Variants in MED1 observed in about 807,000 individuals in gnomAD.
The protein encoded by MED1 is mediator of RNA polymerase II transcription subunit 1.
MED1 carries 17 observed loss-of-function variants against 121.3 expected under a neutral mutation model. The observed-to-expected ratio is 0.14, with a 90% CI of 0.10 to 0.21. The LOEUF (loss-of-function observed/expected upper bound fraction) is 0.21, where lower values mean the gene tolerates loss of function less well. MED1 is among the 10% of genes least tolerant of loss of function. MED1 has a pLI of 1.00. For synonymous variants in MED1, 661 were observed against 694.4 expected (o/e 0.95, Z 0.76); for missense variants, 1,558 against 1,919.4 (o/e 0.81, Z 3.52).
rs754862637 is a variant in MED1, at chr17:39,408,123, G to A, written c.4098C>T (p.Ser1366=). The A allele has an allele frequency of 2.5e-6, 4 of 1,613,976 alleles. No homozygotes were observed. Among genetic ancestry groups the A allele is most frequent in the African/African-American group, 2.7e-5 (2 of 74,928 alleles). Residue 1366 remains serine, a synonymous_variant, in exon 17 of 17, where the codon TCC becomes TCT. Transcript: ENST00000300651. The surrounding 1 kb of genome is among the most constrained non-coding windows in gnomAD (Gnocchi z 4.7). ...EKSDKDKSKV[S]TSGSSVDSSK... ...AAGAATCCACTGAACTCCCGGAGGT[G>A]GAAACCTTTGATTTGTCTTTATCAC...
In MED1 at chr17:39,406,512, C is replaced by T; in HGVS notation, c.*963G>A. The T allele has an allele frequency of 1.3e-5, 13 of 985,160 alleles. No homozygotes were observed. The highest frequency in any genetic ancestry group is 1.6e-5 in the Non-Finnish European group (13 of 829,890). 61.0% of individuals were successfully genotyped at this position (985,160 alleles called of 1,614,324 possible). A position where few individuals can be genotyped will look rare whatever the true frequency, so the allele number is the denominator to read the frequency against. Reference sequence around the variant, plus strand: ...GTCAGGAAGGCTGTCCTACACTAAACCTTACTGCATCTGAAAACATGTTTA... The same window carrying T: ...GTCAGGAAGGCTGTCCTACACTAAATCTTACTGCATCTGAAAACATGTTTA... On this transcript the variant is annotated 3_prime_UTR_variant, in exon 17 of 17. Transcript: ENST00000300651.
At position 39,440,887 on chromosome 17, in the gene MED1, G is replaced by C. The variant is rs1343455479; in HGVS notation, c.212-210C>G. Among the ~76,000 whole-genome samples the C allele has an allele frequency of 6.6e-6, 1 of 151,752 alleles. No homozygotes were observed. Among genetic ancestry groups the C allele is most frequent in the African/African-American group, 2.4e-5 (1 of 41,338 alleles). ...AAAAAGATCTATTTGAAAAATTACC[G>C]AACCTTTCTCCTCTCCTGTTTTCAT... On this transcript the variant is annotated intron_variant, in intron 3 of 16. Coordinates refer to ENST00000300651, the MANE Select transcript of MED1 (RefSeq NM_004774.4). The surrounding 1 kb of genome is among the most constrained non-coding windows in gnomAD (Gnocchi z 4.1).
At chr17:39,447,076 A>G (rs927375974) in intron 2 of MED1, among the ~76,000 whole-genome samples, 1 of 152,142 alleles carries the variant, frequency 6.6e-6, no homozygotes, top group Non-Finnish European at 1.5e-5. Context: ...CTGACCTCAC[A>G]TAACAGGGTC....
chr17:39,410,753 T>C lies in MED1; in HGVS notation c.1500-32A>G, dbSNP rs747391329. On this transcript the variant is annotated intron_variant, in intron 16 of 16. Transcript: ENST00000300651. The stretch of plus-strand genomic sequence containing the variant: ...AATAAAGAAGAAAACAAAGTTAACA[T>C]TGCAATAGCTGCTGAATGAGACCTG... 1.5e-5 allele frequency: 23 copies of C among 1,558,414 alleles called. 1 individual carries two copies. The highest frequency in any genetic ancestry group is 2.3e-5 in the East Asian group (1 of 44,224).
chr17:39,430,068 G>A (rs2048551521), intron 9 of MED1, among the ~76,000 whole-genome samples: 1 of 151,294 alleles, frequency 6.6e-6, no homozygotes, highest in African/African-American at 2.4e-5. Context: ...GGGCAACACA[G>A]CAAGACCCTG....
At chr17:39,420,401 C>T (rs2144732589) in intron 13 of MED1, among the ~76,000 whole-genome samples, 1 of 151,900 alleles carries the variant, frequency 6.6e-6, no homozygotes, top group Non-Finnish European at 1.5e-5. Context: ...CAGTGTTTCA[C>T]TGTGTTAGCC....
chr17:39,423,077 G>A (rs1282175039), intron 13 of MED1, among the ~76,000 whole-genome samples: 1 of 151,686 alleles, frequency 6.6e-6, no homozygotes, highest in Non-Finnish European at 1.5e-5. Flanking sequence ...ATGTTGGCCA[G>A]GCTGGTCTCG....
intron 6 of MED1, among the ~76,000 whole-genome samples, chr17:39,436,499 T>G (rs552291575): frequency 6.0e-4 from 91 of 152,200 alleles, no homozygotes; most frequent in African/African-American, 2.1e-3. Flanking sequence ...ATGTAATAAC[T>G]TCCTTAAATT....
At position 39,406,608 on chromosome 17, in the gene MED1, C is replaced by T. The variant is rs1262582520; in HGVS notation, c.*867G>A. 1 of 983,608 alleles carries T rather than the reference C, an allele frequency of 1.0e-6. No individual in the cohort carries two copies. Among genetic ancestry groups the T allele is most frequent in the African/African-American group, 1.8e-5 (1 of 57,036 alleles). The allele number at this position is 983,608 out of a possible 1,614,324, so 60.9% of individuals were successfully genotyped here. On this transcript the variant is annotated 3_prime_UTR_variant, in exon 17 of 17. Transcript: ENST00000300651. The stretch of plus-strand genomic sequence containing the variant: ...AAATGAGATTACAAGTCAATACCTC[C>T]ACAGAGAGGTAACTCCTAATATTCC...
Position 39,408,420 on chromosome 17 carries a change from C to T in MED1, c.3801G>A (p.Thr1267=), listed in dbSNP as rs767642614. The change falls in exon 17 of 17, where the codon ACG becomes ACA. Residue 1267 remains threonine, a synonymous_variant. Coordinates refer to ENST00000300651, the MANE Select transcript of MED1 (RefSeq NM_004774.4). This position sits in a 1 kb window ranked among gnomAD's most constrained non-coding sequence, Gnocchi z 4.7. ...TTGAGGAAAAGGAGGAGGAAGATGC[C>T]GTACAGGAATTAGATGATGGGGGAG... ...QKTPPSSNSC[T]ASSSSFSSSG... The T allele has an allele frequency of 6.2e-5, 100 of 1,613,966 alleles. No homozygotes were observed. Among genetic ancestry groups the T allele is most frequent in the African/African-American group, 1.7e-4 (13 of 74,874 alleles).
At chr17:39,417,225 G>A (rs1291487711) in intron 14 of MED1, among the ~76,000 whole-genome samples, 1 of 152,108 alleles carries the variant, frequency 6.6e-6, no homozygotes, top group African/African-American at 2.4e-5. Flanking sequence ...AGCTACTTGG[G>A]AGGCTGAAGC....
chr17:39,414,674 T>A (rs1365844180), intron 16 of MED1, among the ~76,000 whole-genome samples: 63 of 34,936 alleles, frequency 1.8e-3, no homozygotes, highest in African/African-American at 4.9e-3. Flanking sequence ...TTTTTTTTTT[T>A]ACAACAAAAA....
chr17:39,442,280 G>A (rs1446015834), intron 3 of MED1, among the ~76,000 whole-genome samples: 6 of 151,674 alleles, frequency 4.0e-5, no homozygotes, highest in East Asian at 1.9e-4. Flanking sequence ...CATAAACACC[G>A]TAAAAATCTT....
chr17:39,432,459 A>T (rs1597867143), intron 7 of MED1, among the ~76,000 whole-genome samples: 1 of 151,948 alleles, frequency 6.6e-6, no homozygotes, highest in African/African-American at 2.4e-5. Context: ...ATATATTTTT[A>T]AAAACTGGCC....
At position 39,406,315 on chromosome 17, in the gene MED1, C is replaced by G; in HGVS notation, c.*1160G>C. The G allele has an allele frequency of 4.1e-6, 4 of 985,476 alleles. No individual in the cohort carries two copies. Among genetic ancestry groups the G allele is most frequent in the Non-Finnish European group, 4.8e-6 (4 of 829,908 alleles). The allele number at this position is 985,476 out of a possible 1,614,324, so 61.0% of individuals were successfully genotyped here. A position where few individuals can be genotyped will look rare whatever the true frequency, so the allele number is the denominator to read the frequency against. ...TTACTGTTTTATCTCAGGGAGCATA[C>G]AGTGGAGTGATTAAAGTTTGGACTC... On this transcript the variant is annotated 3_prime_UTR_variant, in exon 17 of 17. Coordinates refer to ENST00000300651, the MANE Select transcript of MED1 (RefSeq NM_004774.4).
intron 1 of MED1, among the ~76,000 whole-genome samples, chr17:39,448,252 C>A (rs2048747359): frequency 6.6e-6 from 1 of 151,284 alleles, no homozygotes; most frequent in African/African-American, 2.4e-5. Flanking sequence ...TGCCTGTAAT[C>A]CCAGCTACTT....
At chr17:39,424,403 A>C (rs969693765) in intron 11 of MED1, among the ~76,000 whole-genome samples, 2 of 152,178 alleles carry the variant, frequency 1.3e-5, no homozygotes, top group African/African-American at 4.8e-5. Flanking sequence ...AGCCAGAGGA[A>C]TTAGCACAGT....
chr17:39,418,148 T>TA (rs550777265), intron 14 of MED1, among the ~76,000 whole-genome samples: 199 of 135,110 alleles, frequency 1.5e-3, no homozygotes, highest in Middle Eastern at 9.4e-3. Context: ...AAAAAAGAGC[T>TA]AAACCTTCTT....
chr17:39,405,637 C>T lies in MED1; in HGVS notation c.*1838G>A. On this transcript the variant is annotated 3_prime_UTR_variant, in exon 17 of 17. Transcript: ENST00000300651. ...TTAGTGTCACCCAAGACATTTGACT[C>T]TGATGTGGTTAATTGATAACTTTTC... 9.3e-7 allele frequency: 1 copy of T among 1,077,754 alleles called. No individual in the cohort carries two copies. Among genetic ancestry groups the T allele is most frequent in the Non-Finnish European group, 1.1e-6 (1 of 888,702 alleles). 66.8% of individuals were successfully genotyped at this position (1,077,754 alleles called of 1,614,324 possible).
Sources: allele counts gnomAD v4.1 joint callset (sites outside exome capture counted in the v4.1 genomes callset), GRCh38; gene constraint gnomAD v4.1.1; non-coding constraint Gnocchi (gnomAD v3.1); transcripts MANE v1.5; gene names NCBI Gene and HGNC (gene_info 2026-07-23, HGNC 2026-07-21).